The following CD300LG variants were observed in gnomAD, a reference collection of about 807,000 sequenced individuals.
CD300LG encodes the protein CMRF35-like molecule 9.
A neutral mutation model predicts 31.5 loss-of-function variants in CD300LG; 29 were observed. The observed-to-expected ratio is 0.92, with a 90% confidence interval of 0.68 to 1.25. CD300LG has a LOEUF of 1.25. CD300LG is among the 50% of genes most tolerant of loss of function. The pLI is 0.00. For synonymous variants in CD300LG, 175 were observed against 177.2 expected (o/e 0.99, Z 0.10); for missense variants, 396 against 417.6 (o/e 0.95, Z 0.45).
At chr17:43,857,975 G>T in intron 6 of CD300LG, 4 of 1,512,538 alleles carry the variant, frequency 2.6e-6, no homozygotes, top group Non-Finnish European at 3.5e-6. Flanking sequence ...TGTGCCCTCC[G>T]AGGCCAGCAC....
Position 43,857,019 on chromosome 17 carries a change from GC to G in CD300LG, c.833-83del. On this transcript the variant is annotated intron_variant, in intron 5 of 6. Coordinates refer to ENST00000317310, the MANE Select transcript of CD300LG (RefSeq NM_145273.4). ...AGCCCCTGCTCCCGTGTGCAAGGGG[GC>G]CAGTCCACCTTTCTGGGAGCAGCTA... The G allele has an allele frequency of 3.6e-6, 5 of 1,386,136 alleles. No homozygotes were observed. In the South Asian group the frequency reaches 5.9e-5, roughly 16 times the overall value. 85.9% of individuals were successfully genotyped at this position (1,386,136 alleles called of 1,614,324 possible). A position where few individuals can be genotyped will look rare whatever the true frequency, so the allele number is the denominator to read the frequency against.
chr17:43,859,936 A>G (rs1181488272), intron 6 of CD300LG, among the ~76,000 whole-genome samples: 4 of 152,126 alleles, frequency 2.6e-5, no homozygotes, highest in Non-Finnish European at 5.9e-5. Context: ...GGGTCTCACT[A>G]TGTTGCCCAG....
chr17:43,857,753 G>T, intron 6 of CD300LG: 2 of 1,535,132 alleles, frequency 1.3e-6, no homozygotes, highest in South Asian at 1.2e-5. Context: ...CAGAGAACAG[G>T]ACCCAGATTT....
intron 6 of CD300LG, chr17:43,858,620 G>A (rs2046590394): frequency 1.0e-6 from 1 of 985,318 alleles, no homozygotes; most frequent in Non-Finnish European, 1.2e-6. Context: ...CCTCCCAAGA[G>A]GGTCAGAGGC....
At chr17:43,855,089 A>G (rs1358175445) in intron 4 of CD300LG, 118 bp from the exon 5 acceptor site, 1 of 155,850 alleles carries the variant, frequency 6.4e-6, no homozygotes, top group Non-Finnish European at 1.3e-5. Context: ...TCTCTGCTGC[A>G]TTGAATTGGA....
chr17:43,847,287 G>A, intron 1 of CD300LG, 28 bp downstream of exon 1: 2 of 1,598,380 alleles, frequency 1.3e-6, no homozygotes, highest in African/African-American at 1.3e-5. Flanking sequence ...TCTCGGGAGG[G>A]ATGTGGGGCT....
chr17:43,851,087 T>C (rs1020317179), intron 2 of CD300LG, among the ~76,000 whole-genome samples: 5 of 133,020 alleles, frequency 3.8e-5, no homozygotes, highest in African/African-American at 1.5e-4. Context: ...TGAGCCAAGA[T>C]CGTGCCACTG....
intron 2 of CD300LG, among the ~76,000 whole-genome samples, chr17:43,851,606 C>T (rs2046357093): frequency 6.8e-6 from 1 of 147,838 alleles, no homozygotes; most frequent in Non-Finnish European, 1.5e-5. Flanking sequence ...TTGCATCAGG[C>T]TTCTGCCCAC....
At chr17:43,847,375 C>CA in intron 1 of CD300LG, 116 bp downstream of exon 1, 1 of 832,996 alleles carries the variant, frequency 1.2e-6, no homozygotes, top group African/African-American at 1.8e-5. Context: ...CTCCTCAGCC[C>CA]TAGGGGAGCG....
chr17:43,853,560 C>T (rs1050058497), intron 3 of CD300LG, among the ~76,000 whole-genome samples: 3 of 152,118 alleles, frequency 2.0e-5, no homozygotes, highest in African/African-American at 7.2e-5. Context: ...CTCACAGAGG[C>T]AACAAGCTGT....
intron 2 of CD300LG, 166 bp downstream of exon 2, chr17:43,849,059 A>T: frequency 1.6e-6 from 1 of 641,614 alleles, no homozygotes; most frequent in South Asian, 1.9e-5. Flanking sequence ...GAGCCGCCTG[A>T]GTCTTGGCCA....
chr17:43,849,791 T>C (rs1429222123), intron 2 of CD300LG: 2 of 152,166 alleles, frequency 1.3e-5, no homozygotes, highest in Admixed American at 1.3e-4. Flanking sequence ...CCTAGCCCCA[T>C]AGCTGGGACC....
Position 43,854,998 on chromosome 17 carries a change from G to A in CD300LG, c.720-209G>A, listed in dbSNP as rs73985464. On this transcript the variant is annotated intron_variant, in intron 4 of 6. Transcript: ENST00000317310. ...GTTTGAACCTAGACAGCCTGGCTCC[G>A]GGGTCTGCGCTAATTACATAATGTT... 7.6e-3 allele frequency among the ~76,000 whole-genome samples: 1,156 copies of A among 152,128 alleles called. 18 individuals are homozygous for A. Among genetic ancestry groups the A allele is most frequent in the African/African-American group, 0.026 (1,087 of 41,496 alleles).
intron 6 of CD300LG, chr17:43,858,261 A>G (rs746742): frequency 0.19 from 195,359 of 1,048,210 alleles, 22,391 homozygotes; most frequent in African/African-American, 0.53. Flanking sequence ...CAAAGGTAGC[A>G]GAGGAGAGTA....
rs1251507493 is a variant in CD300LG, at chr17:43,858,547, C to T, written c.885+1391C>T. ...AAGAGGGAGGGGACAGGAAGGGGCA[C>T]AGGGCCAGCAGGCAGAGGGGCTCTA... is the stretch of plus-strand genomic sequence containing the variant. On this transcript the variant is annotated intron_variant, in intron 6 of 6. Coordinates refer to ENST00000317310, the MANE Select transcript of CD300LG (RefSeq NM_145273.4). 6.1e-6 allele frequency: 6 copies of T among 985,294 alleles called. No homozygotes were observed. In the Admixed American group the frequency reaches 3.1e-4, roughly 50 times the overall value. The allele number at this position is 985,294 out of a possible 1,614,324, so 61.0% of individuals were successfully genotyped here. A position where few individuals can be genotyped will look rare whatever the true frequency, so the allele number is the denominator to read the frequency against.
At position 43,848,781 on chromosome 17, in the gene CD300LG, G is replaced by C. The variant is rs1049713176; in HGVS notation, c.267G>C (p.Ser89=). The change falls in exon 2 of 7, where the codon TCG becomes TCC. Residue 89 remains serine (S), a synonymous_variant. Coordinates refer to ENST00000317310, the MANE Select transcript of CD300LG (RefSeq NM_145273.4). The part of the protein sequence containing the change: ...VSIRDSRQEL[S]LIVTLWNLTL... ...TCCGTGACAGCCGCCAGGAGCTCTC[G>C]CTCATTGTGACCCTGTGGAACCTCA... is the stretch of plus-strand genomic sequence containing the variant. 20 of 1,614,030 alleles carry C rather than the reference G, an allele frequency of 1.2e-5. No homozygotes were observed. Among genetic ancestry groups the C allele is most frequent in the Admixed American group, 1.7e-5 (1 of 60,010 alleles).
chr17:43,854,092 T>TCA, intron 4 of CD300LG, 48 bp downstream of exon 4: 1 of 1,429,180 alleles, frequency 7.0e-7, no homozygotes, highest in Non-Finnish European at 9.8e-7. Flanking sequence ...CACTAAACCA[T>TCA]AAGGTGCCTT....
Position 43,847,200 on chromosome 17 carries a change from G to C in CD300LG, c.-17G>C. On this transcript the variant is annotated 5_prime_UTR_variant, in exon 1 of 7. Transcript: ENST00000317310. ...CACAGTTCCCAGCGTCTGCTCCCAC[G>C]GTGTCCAGCGCCCAGAATGCGGCTT... 2 of 1,613,576 alleles carry C rather than the reference G, an allele frequency of 1.2e-6. No individual in the cohort carries two copies. Among genetic ancestry groups the C allele is most frequent in the South Asian group, 2.2e-5 (2 of 91,018 alleles).
At chr17:43,857,291 T>A in intron 6 of CD300LG, 135 bp downstream of exon 6, 1 of 1,437,984 alleles carries the variant, frequency 7.0e-7, no homozygotes, top group Non-Finnish European at 9.5e-7. Flanking sequence ...CTCCCCACCT[T>A]GGAGGAATGT....
Sources: allele counts gnomAD v4.1 joint callset (sites outside exome capture counted in the v4.1 genomes callset), GRCh38; gene constraint gnomAD v4.1.1; transcripts MANE v1.5; gene names NCBI Gene and HGNC (gene_info 2026-07-23, HGNC 2026-07-21).